Variants in RPS6KC1 observed in about 807,000 individuals in gnomAD.
RPS6KC1 encodes inactive ribosomal protein S6 kinase delta-1.
RPS6KC1 carries 54 observed loss-of-function variants against 103.8 expected under a neutral mutation model. The ratio of observed to expected loss-of-function variants is 0.52; its 90% confidence interval spans 0.42 to 0.65. The LOEUF (loss-of-function observed/expected upper bound fraction) is 0.65. Ranked by LOEUF, RPS6KC1 falls within the 30% of genes least tolerant of loss-of-function variation. The pLI is 0.00. For synonymous variants in RPS6KC1, 439 were observed against 438.7 expected (o/e 1.00, Z -0.01); for missense variants, 1,151 against 1,253.8 (o/e 0.92, Z 1.24).
At chr1:213,801,432 AT>A in the RPS6KC1 span, among the ~76,000 whole-genome samples, 1 of 152,216 alleles carries the variant, frequency 6.6e-6, no homozygotes, top group Non-Finnish European at 1.5e-5. Flanking sequence ...AGACATGTAA[AT>A]GTATAATAAT....
At chr1:213,634,399 CA>C in the RPS6KC1 span, among the ~76,000 whole-genome samples, 1 of 152,204 alleles carries the variant, frequency 6.6e-6, no homozygotes, top group Non-Finnish European at 1.5e-5. Flanking sequence ...ACAGTGCAAT[CA>C]AATTAGAATT....
At chr1:213,396,833 T>A in the RPS6KC1 span, among the ~76,000 whole-genome samples, 1 of 152,088 alleles carries the variant, frequency 6.6e-6, no homozygotes, top group Non-Finnish European at 1.5e-5. Context: ...CAGCTGATAG[T>A]GGGGTGGGGC....
the RPS6KC1 span, among the ~76,000 whole-genome samples, chr1:213,576,490 T>A: frequency 6.6e-6 from 1 of 151,756 alleles, no homozygotes; most frequent in African/African-American, 2.4e-5. Flanking sequence ...TTTTGGTAAT[T>A]ATTATTATTA....
chr1:213,663,347 G>A, the RPS6KC1 span, among the ~76,000 whole-genome samples: 3 of 152,194 alleles, frequency 2.0e-5, no homozygotes, highest in Non-Finnish European at 2.9e-5. Flanking sequence ...TTGTTTGGTT[G>A]CAAGATGCAG....
chr1:213,687,725 T>C, the RPS6KC1 span, among the ~76,000 whole-genome samples: 2 of 151,966 alleles, frequency 1.3e-5, no homozygotes, highest in African/African-American at 4.8e-5. Context: ...AAACTAAAAA[T>C]TTTAATAAGA....
chr1:213,141,277 T>C (rs1056275231), intron 6 of RPS6KC1, among the ~76,000 whole-genome samples: 1 of 152,026 alleles, frequency 6.6e-6, no homozygotes, highest in African/African-American at 2.4e-5. Flanking sequence ...AGGTTTTTAA[T>C]TACTGATTCA....
chr1:213,373,977 G>C, the RPS6KC1 span, among the ~76,000 whole-genome samples: 1 of 152,166 alleles, frequency 6.6e-6, no homozygotes, highest in South Asian at 2.1e-4. Context: ...TTCATAGAGA[G>C]GTAATCTGTA....
chr1:213,270,233 T>C (rs1476656328), intron 14 of RPS6KC1, among the ~76,000 whole-genome samples: 3 of 152,174 alleles, frequency 2.0e-5, no homozygotes. Flanking sequence ...ATGCACATGC[T>C]AAAAACAAAA....
the RPS6KC1 span, among the ~76,000 whole-genome samples, chr1:213,583,839 GAAAA>G: frequency 8.1e-6 from 1 of 123,780 alleles, no homozygotes; most frequent in East Asian, 2.6e-4. Context: ...AAAAAAAAAA[GAAAA>G]AAGAAAAAAA....
chr1:213,599,836 G>C, the RPS6KC1 span, among the ~76,000 whole-genome samples: 2 of 152,204 alleles, frequency 1.3e-5, no homozygotes, highest in Non-Finnish European at 2.9e-5. Flanking sequence ...AGAGAGGTCT[G>C]GGAAGCCCTG....
At chr1:213,056,598 A>G (rs770988190) in intron 1 of RPS6KC1, among the ~76,000 whole-genome samples, 1 of 152,320 alleles carries the variant, frequency 6.6e-6, no homozygotes, top group Non-Finnish European at 1.5e-5. Context: ...CTGAAAAATT[A>G]CCATTTCCAA....
chr1:213,252,577 T>G (rs531116875), intron 12 of RPS6KC1, among the ~76,000 whole-genome samples: 1 of 152,210 alleles, frequency 6.6e-6, no homozygotes, highest in African/African-American at 2.4e-5. Context: ...TTTGTTCTTA[T>G]GTTGTCTTAT....
the RPS6KC1 span, among the ~76,000 whole-genome samples, chr1:213,828,612 G>C: frequency 6.6e-6 from 1 of 152,104 alleles, no homozygotes; most frequent in Non-Finnish European, 1.5e-5. Context: ...TCCTTTCCTG[G>C]CTACGTGGCA....
the RPS6KC1 span, among the ~76,000 whole-genome samples, chr1:213,619,688 T>A: frequency 6.6e-6 from 1 of 152,228 alleles, no homozygotes; most frequent in African/African-American, 2.4e-5. Flanking sequence ...AACAACAGCA[T>A]CACCTTGGAG....
At chr1:213,075,493 A>G (rs1350144034) in intron 2 of RPS6KC1, among the ~76,000 whole-genome samples, 1 of 152,204 alleles carries the variant, frequency 6.6e-6, no homozygotes. Context: ...TCTACAAGCT[A>G]ATAGATCCTG....
chr1:213,059,266 A>G (rs752576264), intron 1 of RPS6KC1, among the ~76,000 whole-genome samples: 3 of 152,212 alleles, frequency 2.0e-5, no homozygotes, highest in Non-Finnish European at 2.9e-5. Flanking sequence ...TTTTTCCTGC[A>G]TAGACAATCT....
At chr1:213,781,215 C>G in the RPS6KC1 span, among the ~76,000 whole-genome samples, 3 of 152,170 alleles carry the variant, frequency 2.0e-5, no homozygotes, top group Admixed American at 2.0e-4. Context: ...GCAGTTTAAA[C>G]AGAAAAGATA....
chr1:213,522,579 A>C, the RPS6KC1 span, among the ~76,000 whole-genome samples: 1 of 152,246 alleles, frequency 6.6e-6, no homozygotes, highest in Admixed American at 6.5e-5. Context: ...TCTTATATAC[A>C]TTGAAAATCT....
chr1:213,514,602 G>A, the RPS6KC1 span, among the ~76,000 whole-genome samples: 1 of 151,984 alleles, frequency 6.6e-6, no homozygotes, highest in East Asian at 1.9e-4. Context: ...GTGTATATGT[G>A]CCACATTTTC....
Sources: gnomAD v4.1 joint callset for allele counts (sites outside exome capture counted in the v4.1 genomes callset) on GRCh38, gnomAD v4.1.1 for gene constraint, MANE v1.5 for transcripts, NCBI Gene and HGNC (gene_info 2026-07-23, HGNC 2026-07-21) for gene names.